ZNF568: variants seen among roughly 807,000 people sequenced by gnomAD.
ZNF568 encodes p53 inhibitor of SCO2 activation.
A neutral mutation model predicts 18.1 loss-of-function variants in ZNF568; 11 were observed. That is an observed-to-expected ratio of 0.61 (90% CI 0.38 to 1.00). The LOEUF (loss-of-function observed/expected upper bound fraction) is 1.00, where lower values mean the gene tolerates loss of function less well. Ranked by LOEUF, ZNF568 falls within the 50% of genes least tolerant of loss-of-function variation. The pLI, the probability that ZNF568 is intolerant of heterozygous loss-of-function variation, is 0.01. For missense variants in ZNF568, 639 were observed against 768.2 expected (o/e 0.83, Z 1.99); for synonymous variants, 213 against 246.6 (o/e 0.86, Z 1.28).
intron 3 of ZNF568, 62 bp from the exon 4 acceptor site, chr19:36,925,138 A>C: frequency 3.3e-6 from 5 of 1,512,484 alleles, no homozygotes; most frequent in Non-Finnish European, 2.8e-6. Flanking sequence ...CTGGTACTGA[A>C]GATTTCTATA....
In ZNF568 at chr19:36,936,752, G is replaced by T; in HGVS notation, c.142G>T (p.Val48Leu). ...TAGCATTATGTTTTTACAGGAAACA[G>T]TGACATTTAAGGATGTGGCTGTTGA... is the stretch of plus-strand genomic sequence containing the variant. Reference protein sequence around the residue: ...EEDTTRPLETVTFKDVAVDLT... With the variant: ...EEDTTRPLETLTFKDVAVDLT... The change falls in exon 5 of 7, where the codon GTG becomes TTG. Residue 48 changes from valine (V) to leucine (L), a missense_variant. By Grantham distance (32) the Val-to-Leu change is conservative (BLOSUM62 1). Coordinates refer to ENST00000333987, the MANE Select transcript of ZNF568 (RefSeq NM_198539.4). 3 of 1,611,622 alleles carry T rather than the reference G, an allele frequency of 1.9e-6. 1 individual carries two copies. The South Asian group carries it at 3.3e-5, about 18-fold the overall frequency.
intron 2 of ZNF568, among the ~76,000 whole-genome samples, chr19:36,989,889 G>A (rs1163237353): frequency 2.0e-5 from 3 of 152,076 alleles, no homozygotes; most frequent in Non-Finnish European, 4.4e-5. Flanking sequence ...AGTACTGATG[G>A]AGTAGGAAAA....
intron 4 of ZNF568, among the ~76,000 whole-genome samples, chr19:36,927,821 AAT>A (rs370889789): frequency 0.15 from 16,619 of 113,416 alleles, 1,611 homozygotes; most frequent in African/African-American, 0.21. Context: ...AAAATATATA[AAT>A]ATATATATAT....
chr19:36,977,363 T>G (rs917933504), intron 7 of ZNF568, among the ~76,000 whole-genome samples: 1 of 152,110 alleles, frequency 6.6e-6, no homozygotes, highest in East Asian at 1.9e-4. Flanking sequence ...AGTAATATAT[T>G]TTAAAGAGTG....
intron 6 of ZNF568, among the ~76,000 whole-genome samples, chr19:36,968,784 G>C (rs1396433920): frequency 6.7e-6 from 1 of 150,292 alleles, no homozygotes. Flanking sequence ...TTTTCAAATG[G>C]TAGAGAGAGA....
At chr19:36,918,854 T>G (rs2073400774) in intron 2 of ZNF568, among the ~76,000 whole-genome samples, 1 of 152,194 alleles carries the variant, frequency 6.6e-6, no homozygotes, top group African/African-American at 2.4e-5. Flanking sequence ...ATTTGACTAT[T>G]CTAAATACTT....
chr19:36,964,921 G>A (rs572491746), intron 6 of ZNF568, among the ~76,000 whole-genome samples: 1 of 152,250 alleles, frequency 6.6e-6, no homozygotes, highest in South Asian at 2.1e-4. Flanking sequence ...AGTGTTAGAG[G>A]TGGAAGAGCA....
chr19:36,935,526 C>T (rs2146288936), intron 4 of ZNF568, among the ~76,000 whole-genome samples: 1 of 148,968 alleles, frequency 6.7e-6, no homozygotes, highest in South Asian at 2.1e-4. Flanking sequence ...TGCCACTGTA[C>T]TCCAGCCTAG....
chr19:36,971,414 A>AT (rs960514428), intron 6 of ZNF568, among the ~76,000 whole-genome samples: 11 of 151,914 alleles, frequency 7.2e-5, no homozygotes, highest in Admixed American at 1.3e-4. Flanking sequence ...ATACTTAAGA[A>AT]TTTTTTTTAA....
chr19:36,993,818 T>A (rs897595169), intron 4 of ZNF568, among the ~76,000 whole-genome samples: 65 of 152,256 alleles, frequency 4.3e-4, no homozygotes, highest in Non-Finnish European at 1.2e-4. Flanking sequence ...GCCAAAGATT[T>A]GCCAATTCTG....
intron 7 of ZNF568, among the ~76,000 whole-genome samples, chr19:36,975,016 G>T (rs1044260329): frequency 6.7e-6 from 1 of 149,562 alleles, no homozygotes; most frequent in South Asian, 2.1e-4. Context: ...TAGTAGAGAC[G>T]GGGTTTTGCC....
At position 36,951,582 on chromosome 19, in the gene ZNF568, C is replaced by G. The variant is rs1042411463; in HGVS notation, c.*494C>G. ...CATGAATTAGTAGGGAAATGATGACCTAGTCAATAAAATTGCTGGGAATAT... is the reference window on the plus strand; with the variant it reads ...CATGAATTAGTAGGGAAATGATGACGTAGTCAATAAAATTGCTGGGAATAT... On this transcript the variant is annotated 3_prime_UTR_variant, in exon 7 of 7. Coordinates refer to ENST00000333987, the MANE Select transcript of ZNF568 (RefSeq NM_198539.4). 6.6e-6 allele frequency: 1 copy of G among 151,608 alleles called. No individual in the cohort carries two copies. Among genetic ancestry groups the G allele is most frequent in the Non-Finnish European group, 1.5e-5 (1 of 68,036 alleles). The allele number at this position is 151,608 out of a possible 1,614,324, so 9.4% of individuals were successfully genotyped here. A position where few individuals can be genotyped will look rare whatever the true frequency, so the allele number is the denominator to read the frequency against.
intron 6 of ZNF568, among the ~76,000 whole-genome samples, chr19:36,938,422 T>C (rs1600797746): frequency 6.6e-6 from 1 of 152,154 alleles, no homozygotes; most frequent in African/African-American, 2.4e-5. Context: ...AGCTTTCATA[T>C]ATACTTCAAC....
At chr19:36,917,275 G>C (rs531741627) in intron 1 of ZNF568, among the ~76,000 whole-genome samples, 1 of 152,318 alleles carries the variant, frequency 6.6e-6, no homozygotes, top group South Asian at 2.1e-4. Context: ...CTCTGCTCCT[G>C]ATGGGTCACC....
In ZNF568 at chr19:36,997,077, T is replaced by C. The variant is rs772049963; in HGVS notation, c.990T>C (p.Tyr330=). Reference sequence around the variant, plus strand: ...AGGAATGTGGAAAGGCTTTTCGTTATGACACACAGCTGAGCCTTCATCAGA... The same window carrying C: ...AGGAATGTGGAAAGGCTTTTCGTTACGACACACAGCTGAGCCTTCATCAGA... Residue 330 remains tyrosine, a synonymous_variant, in exon 5 of 5, where the codon TAT becomes TAC. Transcript: ENST00000433993. 1.3e-5 allele frequency: 20 copies of C among 1,566,016 alleles called. No homozygotes were observed. The Admixed American group carries it at 3.6e-4, about 28-fold the overall frequency.
rs1008943017 is a variant in ZNF568, at chr19:36,986,064, C to T, written c.10-5112C>T. Among the ~76,000 whole-genome samples the T allele has an allele frequency of 4.6e-5, 7 of 152,078 alleles. 1 individual carries two copies. Among genetic ancestry groups the T allele is most frequent in the African/African-American group, 1.7e-4 (7 of 41,416 alleles). On this transcript the variant is annotated intron_variant, in intron 2 of 4. Transcript: ENST00000433993. ...AGGAGCCCTGCCAAACCAGGACCACCATAAAGTAAACACATGGCAAGTTTT... is the reference window on the plus strand; with the variant it reads ...AGGAGCCCTGCCAAACCAGGACCACTATAAAGTAAACACATGGCAAGTTTT...
rs1387730787 is a variant in ZNF568, at chr19:36,950,563, A to T, written c.1410A>T (p.Gly470=). The change falls in exon 7 of 7, where the codon GGA becomes GGT. Residue 470 remains glycine (G), a synonymous_variant. Coordinates refer to ENST00000333987, the MANE Select transcript of ZNF568 (RefSeq NM_198539.4). ...NLITHQKIHT[G]EKPYECSECG... ...TTACACATCAGAAAATTCACACTGG[A>T]GAGAAACCTTATGAATGCAGTGAAT... The T allele has an allele frequency of 6.2e-7, 1 of 1,613,550 alleles. No homozygotes were observed. The highest frequency in any genetic ancestry group is 1.3e-5 in the African/African-American group (1 of 75,012).
intron 7 of ZNF568, among the ~76,000 whole-genome samples, chr19:36,978,578 C>A (rs906411733): frequency 1.3e-5 from 2 of 152,170 alleles, no homozygotes; most frequent in Admixed American, 6.6e-5. Context: ...CCACACCCCT[C>A]AATCTGAGTA....
chr19:36,921,430 C>A (rs1180984359), intron 2 of ZNF568, among the ~76,000 whole-genome samples: 1 of 150,744 alleles, frequency 6.6e-6, no homozygotes, highest in Non-Finnish European at 1.5e-5. Flanking sequence ...CATTGCACTC[C>A]AGCCTGGGCA....
Sources: allele counts gnomAD v4.1 joint callset (sites outside exome capture counted in the v4.1 genomes callset), GRCh38; gene constraint gnomAD v4.1.1; transcripts MANE v1.5; gene names NCBI Gene and HGNC (gene_info 2026-07-23, HGNC 2026-07-21).